FGL1: variants seen among roughly 807,000 people sequenced by gnomAD.
The protein encoded by FGL1 is fibrinogen-like protein 1.
FGL1 carries 59 observed loss-of-function variants against 43.7 expected under a neutral mutation model. The observed-to-expected ratio is 1.35, with a 90% CI of 1.10 to 1.68. The LOEUF (loss-of-function observed/expected upper bound fraction) is 1.68. Ranked by LOEUF, FGL1 falls within the 40% of genes most tolerant of loss-of-function variation. The pLI is 0.00. For missense variants in FGL1, 596 were observed against 373.0 expected (o/e 1.60, Z -4.92); for synonymous variants, 192 against 126.5 (o/e 1.52, Z -3.48).
intron 6 of FGL1, 29 bp downstream of exon 6, chr8:17,868,887 C>T (rs75939304): frequency 0.022 from 34,287 of 1,528,172 alleles, 620 homozygotes; most frequent in South Asian, 0.051. Context: ...CATTTATTCA[C>T]GGTTTTACTT....
intron 1 of FGL1, among the ~76,000 whole-genome samples, chr8:17,894,054 A>G (rs1172769537): frequency 6.8e-6 from 1 of 146,780 alleles, no homozygotes; most frequent in African/African-American, 2.7e-5. Flanking sequence ...ACTATATTTA[A>G]AAAAAATTTA....
chr8:17,881,280 G>A (rs1338291281), intron 3 of FGL1, among the ~76,000 whole-genome samples: 2 of 151,740 alleles, frequency 1.3e-5, no homozygotes, highest in African/African-American at 2.4e-5. Flanking sequence ...GGGACTACAG[G>A]CACCTGCCAC....
At chr8:17,875,547 T>TTTCTG in intron 3 of FGL1, among the ~76,000 whole-genome samples, 1 of 16,268 alleles carries the variant, frequency 6.1e-5, no homozygotes, top group Admixed American at 5.1e-4. Context: ...CTTTCTTTCT[T>TTTCTG]TCTTTCTTTC....
At position 17,889,315 on chromosome 8, in the gene FGL1, C is replaced by T. The variant is rs144246516; in HGVS notation, c.-17-3744G>A. On this transcript the variant is annotated intron_variant, in intron 1 of 7. Coordinates refer to ENST00000427924, the MANE Select transcript of FGL1 (RefSeq NM_004467.4). Reference sequence around the variant, plus strand: ...CTGTAATCTCAGCACTTTGGGAGGACGAAGTGGGAGGATCGCCAGAGGCCA... The same window carrying T: ...CTGTAATCTCAGCACTTTGGGAGGATGAAGTGGGAGGATCGCCAGAGGCCA... 2.2e-3 allele frequency among the ~76,000 whole-genome samples: 341 copies of T among 152,220 alleles called. 1 individual carries two copies. Among genetic ancestry groups the T allele is most frequent in the African/African-American group, 7.6e-3 (314 of 41,534 alleles).
intron 4 of FGL1, 21 bp downstream of exon 4, chr8:17,874,341 C>G: frequency 6.2e-7 from 1 of 1,607,682 alleles, no homozygotes; most frequent in Non-Finnish European, 8.5e-7. Flanking sequence ...CATATAAAGT[C>G]TTACATCATA....
chr8:17,875,898 A>T (rs1341239035), intron 3 of FGL1, among the ~76,000 whole-genome samples: 1 of 152,004 alleles, frequency 6.6e-6, no homozygotes, highest in African/African-American at 2.4e-5. Context: ...GAGCCACCAC[A>T]CCCTGCCAAA....
chr8:17,870,860 C>T (rs1053168110), intron 5 of FGL1, among the ~76,000 whole-genome samples: 3 of 151,540 alleles, frequency 2.0e-5, no homozygotes, highest in African/African-American at 4.9e-5. Context: ...GAGCCGAGAT[C>T]GCGCCACTGC....
At chr8:17,873,794 T>C (rs2053401005) in intron 5 of FGL1, among the ~76,000 whole-genome samples, 1 of 150,900 alleles carries the variant, frequency 6.6e-6, no homozygotes, top group Non-Finnish European at 1.5e-5. Context: ...CTCATAAATA[T>C]ATATGTGAAA....
At position 17,869,744 on chromosome 8, in the gene FGL1, A is replaced by C. The variant is rs931693944; in HGVS notation, c.503-740T>G. Reference sequence around the variant, plus strand: ...CAGAGATGATGATAATTACTGGAAAATATACTAACATCAATGACTCTGAGT... The same window carrying C: ...CAGAGATGATGATAATTACTGGAAACTATACTAACATCAATGACTCTGAGT... On this transcript the variant is annotated intron_variant, in intron 5 of 7. Coordinates refer to ENST00000427924, the MANE Select transcript of FGL1 (RefSeq NM_004467.4). Among the ~76,000 whole-genome samples, 65 of 152,356 alleles carry C rather than the reference A, an allele frequency of 4.3e-4. 2 individuals carry two copies. Among genetic ancestry groups the C allele is most frequent in the Admixed American group, 2.1e-3 (32 of 15,300 alleles).
At chr8:17,881,927 T>A (rs2053542037) in intron 3 of FGL1, 72 bp downstream of exon 3, 1 of 1,249,050 alleles carries the variant, frequency 8.0e-7, no homozygotes, top group Non-Finnish European at 1.1e-6. Flanking sequence ...AAGCCTGAAA[T>A]AACTAGCACC....
intron 7 of FGL1, among the ~76,000 whole-genome samples, chr8:17,867,409 G>C (rs955915640): frequency 6.6e-6 from 1 of 152,068 alleles, no homozygotes; most frequent in African/African-American, 2.4e-5. Context: ...AATCTTTTGG[G>C]TGTAGGAAGG....
chr8:17,892,518 A>G (rs942541873), intron 1 of FGL1, among the ~76,000 whole-genome samples: 13 of 152,188 alleles, frequency 8.5e-5, no homozygotes, highest in African/African-American at 2.2e-4. Flanking sequence ...TTCACTAAGT[A>G]TATTTACACT....
chr8:17,868,896 T>C lies in FGL1; in HGVS notation c.591+20A>G. ...TTTAAGCATTTATTCACGGTTTTAC[T>C]TCTTAGAAAATTGTAGTACCTTTTC... On this transcript the variant is annotated intron_variant, in intron 6 of 7. Coordinates refer to ENST00000427924, the MANE Select transcript of FGL1 (RefSeq NM_004467.4). The C allele has an allele frequency of 6.4e-7, 1 of 1,561,450 alleles. No homozygotes were observed. Among genetic ancestry groups the C allele is most frequent in the Middle Eastern group, 1.7e-4 (1 of 5,854 alleles).
chr8:17,874,387 A>G lies in FGL1; in HGVS notation c.379T>C (p.Ser127Pro). 1.2e-6 allele frequency: 2 copies of G among 1,613,904 alleles called. No homozygotes were observed. The highest frequency in any genetic ancestry group is 1.7e-5 in the Admixed American group (1 of 59,988). ...CTGTTAAAGTTTTCACTGCCATCAG[A>G]TCGTCTCTGAATTACAGTCCATCCT... ...GGGWTVIQRR[S>P]DGSENFNRGW... is the part of the protein sequence containing the mutation. The change falls in exon 4 of 8, where the codon TCT (serine) becomes CCT (proline). Residue 127 changes from serine (S) to proline (P), a missense_variant. Coordinates refer to ENST00000427924, the MANE Select transcript of FGL1 (RefSeq NM_004467.4).
intron 5 of FGL1, among the ~76,000 whole-genome samples, chr8:17,869,413 T>G (rs2053323063): frequency 6.6e-6 from 1 of 152,238 alleles, no homozygotes; most frequent in Non-Finnish European, 1.5e-5. Context: ...TGGCTATTAA[T>G]GACATTGTGT....
intron 2 of FGL1, among the ~76,000 whole-genome samples, chr8:17,884,537 A>G (rs1300592276): frequency 6.6e-6 from 1 of 152,052 alleles, no homozygotes; most frequent in African/African-American, 2.4e-5. Context: ...CTCTATCCCT[A>G]ACACTCAGAT....
intron 7 of FGL1, 95 bp downstream of exon 7, chr8:17,868,453 A>G (rs1449225332): frequency 1.1e-6 from 1 of 909,524 alleles, no homozygotes; most frequent in Non-Finnish European, 1.5e-6. Flanking sequence ...ATTATAAATA[A>G]AGACTAACAT....
At chr8:17,876,585 A>G (rs2053459406) in intron 3 of FGL1, among the ~76,000 whole-genome samples, 1 of 152,228 alleles carries the variant, frequency 6.6e-6, no homozygotes, top group East Asian at 1.9e-4. Context: ...ATGATTATCT[A>G]AAATTAGTTC....
chr8:17,883,003 A>G (rs1330342406), intron 2 of FGL1, among the ~76,000 whole-genome samples: 7 of 96,890 alleles, frequency 7.2e-5, no homozygotes, highest in Non-Finnish European at 1.0e-4. Flanking sequence ...CATATGTAAT[A>G]TATTAAATAT....
Sources: gnomAD v4.1 joint callset for allele counts (sites outside exome capture counted in the v4.1 genomes callset) on GRCh38, gnomAD v4.1.1 for gene constraint, MANE v1.5 for transcripts, NCBI Gene and HGNC (gene_info 2026-07-23, HGNC 2026-07-21) for gene names.